The following ZSCAN10 variants were observed in gnomAD, a reference collection of about 807,000 sequenced individuals.
ZSCAN10 encodes the protein zinc finger and SCAN domain containing 10.
A neutral mutation model predicts 63.7 loss-of-function variants in ZSCAN10; 52 were observed. The ratio of observed to expected loss-of-function variants is 0.82; its 90% CI spans 0.65 to 1.03. The LOEUF (loss-of-function observed/expected upper bound fraction) is 1.03, where lower values mean the gene tolerates loss of function less well. Among genes scored for constraint, ZSCAN10 ranks in the 50% least tolerant of loss-of-function variants. The probability of loss-of-function intolerance (pLI) is 0.00; values close to 1 mark genes in which losing one functional copy is unlikely to be tolerated. For synonymous variants in ZSCAN10, 544 were observed against 479.6 expected, an observed-to-expected ratio of 1.13 and a Z score of -1.76; for missense variants, 1,223 against 1,103.8, an observed-to-expected ratio of 1.11 and a Z score of -1.53.
At chr16:3,098,186 A>C (rs1258799909) in intron 1 of ZSCAN10, among the ~76,000 whole-genome samples, 2 of 152,138 alleles carry the variant, frequency 1.3e-5, no homozygotes, top group East Asian at 3.8e-4. Flanking sequence ...ATCACTGCTC[A>C]TCCATTGCCG....
In ZSCAN10 at chr16:3,092,153, C is replaced by T. The variant is rs1164141942; in HGVS notation, c.560G>A (p.Arg187Lys). ...PSDEPPRPQP[R>K]AAQPAEPGQW... ...TCCCGGCTCAGCAGGCTGGGCAGCCCTTGGCTGGGGTCGGGGAGGCTCATC... is the reference window on the plus strand; with the variant it reads ...TCCCGGCTCAGCAGGCTGGGCAGCCTTTGGCTGGGGTCGGGGAGGCTCATC... The change falls in exon 3 of 6, where the codon AGG becomes AAG. Residue 187 changes from arginine (R) to lysine (K), a missense_variant. By Grantham distance (26) the Arg-to-Lys change is conservative. Transcript: ENST00000576985. The T allele has an allele frequency of 1.9e-6, 3 of 1,613,518 alleles. No homozygotes were observed. The highest frequency in any genetic ancestry group is 2.5e-6 in the Non-Finnish European group (3 of 1,179,874).
At position 3,090,020 on chromosome 16, in the gene ZSCAN10, G is replaced by T; in HGVS notation, c.1414C>A (p.Pro472Thr). ...CAPESKAEAP[P>T]LTDVLCSHCG... ...TGGGAGCACAGGACATCGGTCAGTGGCGGCGCTTCGGCCTTACTCTCAGGA... is the reference window on the plus strand; with the variant it reads ...TGGGAGCACAGGACATCGGTCAGTGTCGGCGCTTCGGCCTTACTCTCAGGA... Residue 472 changes from proline (P) to threonine (T), a missense_variant, in exon 6 of 6, where the codon CCA becomes ACA. Pro to Thr is a conservative substitution (Grantham distance 38). Coordinates refer to ENST00000576985, the MANE Select transcript of ZSCAN10 (RefSeq NM_032805.3). 6.3e-7 allele frequency: 1 copy of T among 1,579,242 alleles called. No homozygotes were observed.
Position 3,089,463 on chromosome 16 carries a change from T to G in ZSCAN10, c.1971A>C (p.Thr657=). 1 of 1,604,290 alleles carries G rather than the reference T, an allele frequency of 6.2e-7. No homozygotes were observed. Among genetic ancestry groups the G allele is most frequent in the Non-Finnish European group, 8.5e-7 (1 of 1,177,664 alleles). Residue 657 remains threonine (T), a synonymous_variant, in exon 6 of 6, where the codon ACA becomes ACC. Coordinates refer to ENST00000576985, the MANE Select transcript of ZSCAN10 (RefSeq NM_032805.3). ...TGTCGCAGGCGTGGGGCTTCTCCCCTGTGTGGATGCGCTGGTGGCGCGCCA... is the reference window on the plus strand; with the variant it reads ...TGTCGCAGGCGTGGGGCTTCTCCCCGGTGTGGATGCGCTGGTGGCGCGCCA... The part of the protein sequence containing the change: ...AHLARHQRIH[T]GEKPHACDTC...
chr16:3,091,977 T>TCACCC, intron 3 of ZSCAN10, 72 bp downstream of exon 3: 4 of 1,564,500 alleles, frequency 2.6e-6, no homozygotes, highest in Non-Finnish European at 2.6e-6. Context: ...GCCCCACTTC[T>TCACCC]CACCCCACCC....
chr16:3,092,363 G>C (rs748228214), intron 2 of ZSCAN10, 47 bp from the exon 3 acceptor site: 1 of 1,556,016 alleles, frequency 6.4e-7, no homozygotes, highest in Admixed American at 1.8e-5. Flanking sequence ...GTGGCAACCT[G>C]TGTCCTGACT....
rs767414189 is a variant in ZSCAN10, at chr16:3,089,353, G to C, written c.2081C>G (p.Thr694Arg). The change falls in exon 6 of 6, where the codon ACG becomes AGG. Residue 694 changes from threonine (T) to arginine (R), a missense_variant. Physicochemically the swap from Thr to Arg is moderately conservative, Grantham distance 71. Transcript: ENST00000576985. ...HTGERPYSCQ[T>R]CGRSFRRNAH... ...GTTGCGCCGGAAGCTGCGACCGCAC[G>C]TCTGACAGCTGTAGGGCCGCTCGCC... is the stretch of plus-strand genomic sequence containing the variant. 6.3e-6 allele frequency: 10 copies of C among 1,595,976 alleles called. No homozygotes were observed. The highest frequency in any genetic ancestry group is 2.2e-5 in the East Asian group (1 of 44,576).
At chr16:3,097,096 CAAAA>C (rs34194103) in intron 1 of ZSCAN10, among the ~76,000 whole-genome samples, 1 of 143,202 alleles carries the variant, frequency 7.0e-6, no homozygotes. Context: ...GAATCTGTCT[CAAAA>C]AAAAAAAAAA....
chr16:3,098,683 G>A (rs895139547), intron 1 of ZSCAN10, among the ~76,000 whole-genome samples: 1 of 152,194 alleles, frequency 6.6e-6, no homozygotes, highest in Admixed American at 6.5e-5. Context: ...TGGGTAGGGA[G>A]GCAGGCAGAG....
At chr16:3,098,354 T>C (rs755926316) in intron 1 of ZSCAN10, among the ~76,000 whole-genome samples, 40 of 152,158 alleles carry the variant, frequency 2.6e-4, no homozygotes, top group Admixed American at 7.2e-4. Flanking sequence ...GGAGCCAAGG[T>C]TTGCTTTAGG....
At chr16:3,098,150 G>C (rs1334213729) in intron 1 of ZSCAN10, among the ~76,000 whole-genome samples, 11 of 151,798 alleles carry the variant, frequency 7.2e-5, no homozygotes, top group Non-Finnish European at 1.5e-4. Context: ...GTTTTTAGTA[G>C]CATGCACAAA....
At chr16:3,097,270 G>C (rs1243829478) in intron 1 of ZSCAN10, among the ~76,000 whole-genome samples, 1 of 152,002 alleles carries the variant, frequency 6.6e-6, no homozygotes, top group Admixed American at 6.6e-5. Context: ...CTTAGCCGCT[G>C]AGAAGGAGGG....
Position 3,089,813 on chromosome 16 carries a change from G to C in ZSCAN10, c.1621C>G (p.Arg541Gly). ...GGCCGCTCGCCCGTGTGCACCCTCCGGTGGGCCACCAGGTGCTCGCTGCGC... is the reference window on the plus strand; with the variant it reads ...GGCCGCTCGCCCGTGTGCACCCTCCCGTGGGCCACCAGGTGCTCGCTGCGC... ...FRRSEHLVAHRRVHTGERPFS... is the reference protein window; with the variant it reads ...FRRSEHLVAHGRVHTGERPFS... The change falls in exon 6 of 6, where the codon CGG becomes GGG. Residue 541 changes from arginine (R) to glycine (G), a missense_variant. By Grantham distance (125) the Arg-to-Gly change is moderately radical (BLOSUM62 -2). Coordinates refer to ENST00000576985, the MANE Select transcript of ZSCAN10 (RefSeq NM_032805.3). 6.3e-7 allele frequency: 1 copy of C among 1,576,732 alleles called. No individual in the cohort carries two copies. Among genetic ancestry groups the C allele is most frequent in the Non-Finnish European group, 8.6e-7 (1 of 1,168,612 alleles).
chr16:3,089,579 GGGTCT>G lies in ZSCAN10; in HGVS notation c.1850_1854del (p.Gln617ProfsTer23). 6.3e-7 allele frequency: 1 copy of G among 1,587,522 alleles called. No homozygotes were observed. The highest frequency in any genetic ancestry group is 8.6e-7 in the Non-Finnish European group (1 of 1,167,844). On this transcript the variant is annotated frameshift_variant, in exon 6 of 6. Coordinates refer to ENST00000576985, the MANE Select transcript of ZSCAN10 (RefSeq NM_032805.3). LOFTEE classifies it high-confidence loss of function. The stretch of plus-strand genomic sequence containing the variant: ...CTGCGCTGGTGGCGGGCCAGATCCT[GGGTCT>G]GGCCGAAACTCTTCCCGCACTGGGT...
Position 3,098,042 on chromosome 16 carries a change from CAAAAA to C in ZSCAN10, c.-68+1143_-68+1147del, listed in dbSNP as rs371407228. Among the ~76,000 whole-genome samples the C allele has an allele frequency of 4.5e-4, 20 of 44,462 alleles. No individual in the cohort carries two copies. In the East Asian group the frequency reaches 5.9e-3, roughly 13 times the overall value. 29.2% of individuals were successfully genotyped at this position (44,462 alleles called of 152,430 possible). On this transcript the variant is annotated intron_variant, in intron 1 of 5. Coordinates refer to ENST00000576985, the MANE Select transcript of ZSCAN10 (RefSeq NM_032805.3). Reference sequence around the variant, plus strand: ...TGGATAAAAGGCGAAGACCCTGTCTCAAAAAAAAAAAAAAAAAAAAGAAAGAAAGA... The same window carrying C: ...TGGATAAAAGGCGAAGACCCTGTCTCAAAAAAAAAAAAAAAGAAAGAAAGA...
Position 3,092,227 on chromosome 16 carries a change from G to T in ZSCAN10, c.486C>A (p.Ser162Arg). 1.9e-6 allele frequency: 3 copies of T among 1,612,690 alleles called. No homozygotes were observed. Among genetic ancestry groups the T allele is most frequent in the Non-Finnish European group, 2.5e-6 (3 of 1,180,018 alleles). The change falls in exon 3 of 6, where the codon AGC becomes AGA. Residue 162 changes from serine (S) to arginine (R), a missense_variant. By Grantham distance (110) the Ser-to-Arg change is moderately radical. Coordinates refer to ENST00000576985, the MANE Select transcript of ZSCAN10 (RefSeq NM_032805.3). ...CTTCCGCAGGCAATTCCTTCTTGGG[G>T]CTGTGGCTGGGGACCTGGGAAGCAC... ...KGCASQVPSH[S>R]PKKELPAEEP...
chr16:3,091,591 G>C lies in ZSCAN10; in HGVS notation c.736C>G (p.Leu246Val). ...TTCTCTGGCACATCCTCAAAGGTCAGGCACTCCTGTATCAAGAGCAGAAAC... is the reference window on the plus strand; with the variant it reads ...TTCTCTGGCACATCCTCAAAGGTCACGCACTCCTGTATCAAGAGCAGAAAC... Reference protein sequence around the residue: ...DQELAAVLECLTFEDVPENKA... With the variant: ...DQELAAVLECVTFEDVPENKA... Residue 246 changes from leucine to valine, a missense_variant, in exon 5 of 6, where the codon CTG (leucine) becomes GTG (valine). By Grantham distance (32) the Leu-to-Val change is conservative (BLOSUM62 1). Coordinates refer to ENST00000576985, the MANE Select transcript of ZSCAN10 (RefSeq NM_032805.3). 8.1e-6 allele frequency: 13 copies of C among 1,614,228 alleles called. No homozygotes were observed. Among genetic ancestry groups the C allele is most frequent in the Non-Finnish European group, 1.1e-5 (13 of 1,180,042 alleles).
At chr16:3,091,958 C>G (rs923475422) in intron 3 of ZSCAN10, 91 bp downstream of exon 3, 2 of 1,571,842 alleles carry the variant, frequency 1.3e-6, no homozygotes, top group Admixed American at 3.5e-5. Context: ...GTCCTGGTCA[C>G]CTGGGGAGGC....
Position 3,089,749 on chromosome 16 carries a change from C to A in ZSCAN10, c.1685G>T (p.Ser562Ile). 2 of 1,600,600 alleles carry A rather than the reference C, an allele frequency of 1.2e-6. No homozygotes were observed. Among genetic ancestry groups the A allele is most frequent in the African/African-American group, 1.3e-5 (1 of 74,822 alleles). ...CQACGRSFTQ[S>I]SQLVSHQRVH... ...CCGTTGGTGGCTGACCAGCTGCGAG[C>A]TCTGCGTGAAGCTGCGGCCGCAAGC... is the stretch of plus-strand genomic sequence containing the variant. The change falls in exon 6 of 6, where the codon AGC (serine) becomes ATC (isoleucine). Residue 562 changes from serine (S) to isoleucine (I), a missense_variant. By Grantham distance (142) the Ser-to-Ile change is moderately radical. Coordinates refer to ENST00000576985, the MANE Select transcript of ZSCAN10 (RefSeq NM_032805.3).
Position 3,089,543 on chromosome 16 carries a change from C to A in ZSCAN10, c.1891G>T (p.Glu631Ter). 1.2e-6 allele frequency: 2 copies of A among 1,602,094 alleles called. No homozygotes were observed. Among genetic ancestry groups the A allele is most frequent in the Non-Finnish European group, 8.5e-7 (1 of 1,175,012 alleles). Residue 631 changes from glutamate (E) to a stop codon, truncating the protein, a stop_gained, in exon 6 of 6, where the codon GAG (glutamate) becomes TAG (stop). Coordinates refer to ENST00000576985, the MANE Select transcript of ZSCAN10 (RefSeq NM_032805.3). LOFTEE classifies it high-confidence loss of function. ...LARHQRSHTGEKPCRCSECGE... is the reference protein window; with the variant it reads ...LARHQRSHTG ...CACTCGCTGCAGCGGCAGGGCTTCTCGCCCGTGTGGCTGCGCTGGTGGCGG... is the reference window on the plus strand; with the variant it reads ...CACTCGCTGCAGCGGCAGGGCTTCTAGCCCGTGTGGCTGCGCTGGTGGCGG...
Sources: gnomAD v4.1 joint callset for allele counts (sites outside exome capture counted in the v4.1 genomes callset) on GRCh38, gnomAD v4.1.1 for gene constraint, MANE v1.5 for transcripts, NCBI Gene and HGNC (gene_info 2026-07-23, HGNC 2026-07-21) for gene names.